The following FAR1 variants were observed in gnomAD, a reference collection of about 807,000 sequenced individuals.
FAR1 encodes the protein male sterility domain-containing protein 2.
Under a neutral mutation model 61.1 loss-of-function variants are expected in FAR1, and 22 were observed. The observed-to-expected ratio is 0.36, with a 90% CI of 0.26 to 0.51. The LOEUF is 0.51. Ranked by LOEUF, FAR1 falls within the 20% of genes least tolerant of loss-of-function variation. FAR1 has a pLI of 0.95. For missense variants in FAR1, 359 were observed against 626.9 expected (o/e 0.57, Z 4.56); for synonymous variants, 206 against 209.7 (o/e 0.98, Z 0.15).
At position 13,702,561 on chromosome 11, in the gene FAR1, A is replaced by G. The variant is rs118077325; in HGVS notation, c.365+2069A>G. The stretch of plus-strand genomic sequence containing the variant: ...ATTGTGAATGTGGTCTCTAATTTTT[A>G]GTGATTTATCTTTTCCTAAAATTCA... On this transcript the variant is annotated intron_variant, in intron 3 of 11. Transcript: ENST00000354817. Among the ~76,000 whole-genome samples, 88 of 152,212 alleles carry G rather than the reference A, an allele frequency of 5.8e-4. No homozygotes were observed. In the East Asian group the frequency reaches 0.015, roughly 26 times the overall value.
chr11:13,722,654 A>G (rs1848623455), intron 10 of FAR1, among the ~76,000 whole-genome samples: 1 of 151,744 alleles, frequency 6.6e-6, no homozygotes, highest in Admixed American at 6.6e-5. Flanking sequence ...TTGTATTTTT[A>G]GTAGAGACGG....
At chr11:13,679,552 C>T (rs1220013490) in intron 1 of FAR1, among the ~76,000 whole-genome samples, 1 of 152,082 alleles carries the variant, frequency 6.6e-6, no homozygotes, top group Admixed American at 6.6e-5. Context: ...CACAGCCCAC[C>T]TTCTGTAGGC....
At chr11:13,696,977 G>A (rs571095194) in intron 2 of FAR1, among the ~76,000 whole-genome samples, 13 of 152,264 alleles carry the variant, frequency 8.5e-5, no homozygotes, top group African/African-American at 3.1e-4. Flanking sequence ...TTGTTCTGGA[G>A]GCTTGTTCTA....
chr11:13,721,720 T>C lies in FAR1; in HGVS notation c.1128-10T>C, dbSNP rs141773742. ...AAAATATGAATCTGTCCATTTTTCT[T>C]ACAATACAGGATGATGAAAACAATA... On this transcript the variant is annotated splice_polypyrimidine_tract_variant and intron_variant, in intron 9 of 11. Coordinates refer to ENST00000354817, the MANE Select transcript of FAR1 (RefSeq NM_032228.6). The surrounding 1 kb of genome is among the most constrained non-coding windows in gnomAD (Gnocchi z 4.2). The C allele has an allele frequency of 2.4e-4, 386 of 1,606,478 alleles. 1 individual carries two copies. In the African/African-American group the frequency reaches 4.7e-3, roughly 19 times the overall value.
chr11:13,689,638 A>T (rs188100127), intron 1 of FAR1, among the ~76,000 whole-genome samples: 1 of 152,138 alleles, frequency 6.6e-6, no homozygotes, highest in Non-Finnish European at 1.5e-5. Context: ...ACTTATTTCT[A>T]TTGGGTATAT....
chr11:13,701,063 A>C (rs944197705), intron 3 of FAR1, among the ~76,000 whole-genome samples: 57 of 152,182 alleles, frequency 3.7e-4, no homozygotes, highest in African/African-American at 1.3e-3. Flanking sequence ...CACTATTCTT[A>C]AAAAAATCTA....
At chr11:13,684,844 A>G (rs1416370180) in intron 1 of FAR1, among the ~76,000 whole-genome samples, 4 of 152,234 alleles carry the variant, frequency 2.6e-5, no homozygotes, top group African/African-American at 4.8e-5. Context: ...GTTACAGTAT[A>G]TATTTTCAAA....
intron 9 of FAR1, among the ~76,000 whole-genome samples, chr11:13,718,827 G>A (rs115818669): frequency 3.3e-5 from 5 of 152,078 alleles, no homozygotes; most frequent in Admixed American, 1.3e-4. Context: ...AGTGGTAAAG[G>A]GGGGAAGGGG....
rs141024825 is a variant in FAR1 at position 13,728,803 on chromosome 11, A to G, written c.*29A>G. 555 of 1,574,272 alleles carry G rather than the reference A, an allele frequency of 3.5e-4. No individual in the cohort carries two copies. In the African/African-American group the frequency reaches 5.5e-3, roughly 15 times the overall value. On this transcript the variant is annotated 3_prime_UTR_variant, in exon 12 of 12. Transcript: ENST00000354817. ...CCAAGGATTCAGCATTAGAACATCTATACATATGGTGATCTAAATGTACAA... is the reference window on the plus strand; with the variant it reads ...CCAAGGATTCAGCATTAGAACATCTGTACATATGGTGATCTAAATGTACAA...
chr11:13,683,706 T>C (rs1053748652), intron 1 of FAR1, among the ~76,000 whole-genome samples: 5 of 152,096 alleles, frequency 3.3e-5, no homozygotes, highest in African/African-American at 1.2e-4. Context: ...ACTTTGAATT[T>C]GTTTACTTGC....
At chr11:13,674,325 GAAA>G (rs1480658741) in intron 1 of FAR1, among the ~76,000 whole-genome samples, 1 of 148,826 alleles carries the variant, frequency 6.7e-6, no homozygotes, top group Admixed American at 6.7e-5. Context: ...AAAAAAAAAA[GAAA>G]AAAAGAAAAT....
In FAR1 at chr11:13,729,247, T is replaced by C. The variant is rs1848696932; in HGVS notation, c.*473T>C. 1 of 152,458 alleles carries C rather than the reference T, an allele frequency of 6.6e-6. No individual in the cohort carries two copies. The highest frequency in any genetic ancestry group is 2.1e-4 in the South Asian group (1 of 4,834). The allele number at this position is 152,458 out of a possible 1,614,324, so 9.4% of individuals were successfully genotyped here. On this transcript the variant is annotated 3_prime_UTR_variant, in exon 12 of 12. Coordinates refer to ENST00000354817, the MANE Select transcript of FAR1 (RefSeq NM_032228.6). ...TGTTTTTTTCATTAGTTGAAGTGGG[T>C]TTTAGTTTTGTTTAAAATTATAACC...
In FAR1 at chr11:13,684,916, A is replaced by G. The variant is rs529979820; in HGVS notation, c.-7-9843A>G. Among the ~76,000 whole-genome samples, 12 of 152,318 alleles carry G rather than the reference A, an allele frequency of 7.9e-5. No homozygotes were observed. The South Asian group carries it at 2.5e-3, about 32-fold the overall frequency. ...TTGTAGAAACATGTTTGAATGTATT[A>G]TTAGTCTTAAGCAAGACCGCAAATC... On this transcript the variant is annotated intron_variant, in intron 1 of 11. Transcript: ENST00000354817.
chr11:13,729,773 TA>T lies in FAR1; in HGVS notation c.*1005del, dbSNP rs1848704304. The T allele has an allele frequency of 6.6e-6, 1 of 152,060 alleles. No individual in the cohort carries two copies. The highest frequency in any genetic ancestry group is 1.9e-4 in the East Asian group (1 of 5,202). 9.4% of individuals were successfully genotyped at this position (152,060 alleles called of 1,614,324 possible). On this transcript the variant is annotated 3_prime_UTR_variant, in exon 12 of 12. Transcript: ENST00000354817. ...ATGTATTTGCAGGTAGTAATAGCATTAAAAAATATACTCGTGTGTAAACACA... is the reference window on the plus strand; with the variant it reads ...ATGTATTTGCAGGTAGTAATAGCATTAAAAATATACTCGTGTGTAAACACA...
intron 1 of FAR1, among the ~76,000 whole-genome samples, chr11:13,672,765 G>T (rs1565336660): frequency 6.6e-6 from 1 of 152,082 alleles, no homozygotes; most frequent in Non-Finnish European, 1.5e-5. Context: ...GAAACTGTAT[G>T]TACTGAAAGG....
intron 7 of FAR1, among the ~76,000 whole-genome samples, chr11:13,712,693 A>C (rs1331246162): frequency 6.6e-6 from 1 of 152,114 alleles, no homozygotes; most frequent in Non-Finnish European, 1.5e-5. Flanking sequence ...CCTCGTGTTT[A>C]AAAATAGACA....
intron 5 of FAR1, 132 bp from the exon 6 acceptor site, chr11:13,711,632 G>GA (rs1364514602): frequency 4.2e-6 from 3 of 707,962 alleles, no homozygotes; most frequent in Admixed American, 5.4e-5. Flanking sequence ...AGTCTGGCCT[G>GA]AATCTAGTCT....
intron 4 of FAR1, among the ~76,000 whole-genome samples, chr11:13,709,468 G>A (rs1344765474): frequency 6.6e-6 from 1 of 152,120 alleles, no homozygotes; most frequent in Admixed American, 6.5e-5. Flanking sequence ...TTGAGAAACT[G>A]AAAAAGAACT....
At chr11:13,726,484 C>T (rs1157541409) in intron 10 of FAR1, among the ~76,000 whole-genome samples, 2 of 151,908 alleles carry the variant, frequency 1.3e-5, no homozygotes, top group Non-Finnish European at 1.5e-5. Flanking sequence ...ATTTTCATTG[C>T]GTACTTAGAA....
Sources: gnomAD v4.1 joint callset for allele counts (sites outside exome capture counted in the v4.1 genomes callset) on GRCh38, gnomAD v4.1.1 for gene constraint, Gnocchi (gnomAD v3.1) non-coding constraint, MANE v1.5 for transcripts, NCBI Gene and HGNC (gene_info 2026-07-23, HGNC 2026-07-21) for gene names.